Variants in REEP1 observed in about 807,000 individuals in gnomAD.
REEP1 encodes the protein receptor accessory protein 1, also known as receptor expression-enhancing protein 1.
In REEP1, 22 loss-of-function variants were observed where a neutral mutation model predicts 40.3. The ratio of observed to expected loss-of-function variants is 0.55; its 90% CI spans 0.39 to 0.78. The LOEUF (loss-of-function observed/expected upper bound fraction) is 0.78, where lower values mean the gene tolerates loss of function less well. Ranked by LOEUF, REEP1 falls within the 30% of genes least tolerant of loss-of-function variation. The pLI is 0.00. For synonymous variants in REEP1, 116 were observed against 139.2 expected, an observed-to-expected ratio of 0.83 and a Z score of 1.17; for missense variants, 280 against 361.1, an observed-to-expected ratio of 0.78 and a Z score of 1.82.
chr2:86,292,013 T>C (rs1318907786), intron 1 of REEP1, among the ~76,000 whole-genome samples: 1 of 152,244 alleles, frequency 6.6e-6, no homozygotes, highest in African/African-American at 2.4e-5. Context: ...TTTTTGTTTG[T>C]TTTTAAGTCT....
intron 2 of REEP1, among the ~76,000 whole-genome samples, chr2:86,275,147 G>GA (rs535728632): frequency 1.2e-3 from 185 of 152,212 alleles, no homozygotes; most frequent in African/African-American, 4.3e-3. Flanking sequence ...ATGACAGAAA[G>GA]AAAAAATTCA....
chr2:86,278,521 G>A (rs1198639322), intron 2 of REEP1, among the ~76,000 whole-genome samples: 1 of 152,200 alleles, frequency 6.6e-6, no homozygotes, highest in Non-Finnish European at 1.5e-5. Context: ...CCGAAATGTG[G>A]GTAAAGGAAT....
At chr2:86,246,887 G>A (rs1251020613) in intron 5 of REEP1, among the ~76,000 whole-genome samples, 2 of 151,964 alleles carry the variant, frequency 1.3e-5, no homozygotes, top group Non-Finnish European at 2.9e-5. Context: ...TTTCAGTGGA[G>A]ACAGGGTTTC....
intron 1 of REEP1, among the ~76,000 whole-genome samples, chr2:86,294,127 T>A (rs1678860813): frequency 6.6e-6 from 1 of 152,172 alleles, no homozygotes; most frequent in African/African-American, 2.4e-5. Flanking sequence ...AGTAGAATGG[T>A]GGTTGCCACA....
chr2:86,265,456 T>C (rs1045752025), intron 2 of REEP1, among the ~76,000 whole-genome samples: 1 of 152,142 alleles, frequency 6.6e-6, no homozygotes, highest in African/African-American at 2.4e-5. Context: ...GTGATCTGCC[T>C]GAATTTAACT....
chr2:86,327,646 CA>C (rs1680578717), intron 1 of REEP1, among the ~76,000 whole-genome samples: 2 of 151,144 alleles, frequency 1.3e-5, no homozygotes, highest in African/African-American at 4.9e-5. Flanking sequence ...CGGCTCACTG[CA>C]AGCTCTGCCT....
intron 2 of REEP1, among the ~76,000 whole-genome samples, chr2:86,276,617 T>C (rs1032312404): frequency 2.6e-5 from 4 of 151,830 alleles, no homozygotes; most frequent in African/African-American, 4.8e-5. Context: ...CAGCATTTTA[T>C]GAGATTGGTG....
rs962267917 is a variant in REEP1 at position 86,260,401 on chromosome 2, C to A, written c.182+3564G>T. ...GGGTCAGGAAGAGAGGGGGATTCTA[C>A]CCATACCTGCATACATGCTCCAAAC... On this transcript the variant is annotated intron_variant, in intron 3 of 8. Coordinates refer to ENST00000538924, the MANE Select transcript of REEP1 (RefSeq NM_001371279.1). Among the ~76,000 whole-genome samples the A allele has an allele frequency of 2.0e-5, 3 of 152,280 alleles. 1 individual carries two copies. The highest frequency in any genetic ancestry group is 4.4e-5 in the Non-Finnish European group (3 of 68,018).
intron 2 of REEP1, among the ~76,000 whole-genome samples, chr2:86,267,550 C>T (rs911133494): frequency 6.6e-6 from 1 of 151,644 alleles, no homozygotes; most frequent in Non-Finnish European, 1.5e-5. Flanking sequence ...GGCATGGTGT[C>T]ACACACCTGT....
intron 3 of REEP1, among the ~76,000 whole-genome samples, chr2:86,260,637 C>T (rs1676807420): frequency 6.6e-6 from 1 of 152,206 alleles, no homozygotes; most frequent in African/African-American, 2.4e-5. Context: ...CAGGACTCGA[C>T]AGGCCATCAT....
intron 2 of REEP1, among the ~76,000 whole-genome samples, chr2:86,273,356 C>T (rs1677569434): frequency 1.3e-5 from 2 of 150,794 alleles, no homozygotes; most frequent in African/African-American, 4.9e-5. Context: ...GCAAACACAG[C>T]TCACTGCAGT....
chr2:86,257,029 T>G (rs556184334), intron 3 of REEP1, among the ~76,000 whole-genome samples: 1 of 152,310 alleles, frequency 6.6e-6, no homozygotes, highest in East Asian at 1.9e-4. Flanking sequence ...CTCTGGTGGG[T>G]GCTTCCTGAA....
intron 1 of REEP1, among the ~76,000 whole-genome samples, chr2:86,303,480 A>G (rs1186321974): frequency 6.6e-6 from 1 of 151,624 alleles, no homozygotes; most frequent in Non-Finnish European, 1.5e-5. Flanking sequence ...CAGCCTCCCA[A>G]AGTTTTGTGA....
chr2:86,222,350 A>G (rs192616817), intron 7 of REEP1, among the ~76,000 whole-genome samples: 9 of 152,336 alleles, frequency 5.9e-5, no homozygotes, highest in African/African-American at 1.9e-4. Context: ...GCTGGGAGCA[A>G]AAGAGGCCAG....
chr2:86,219,982 T>C lies in REEP1; in HGVS notation c.771A>G (p.Glu257=), dbSNP rs1415684494. 1 of 1,232,034 alleles carries C rather than the reference T, an allele frequency of 8.1e-7. No individual in the cohort carries two copies. Among genetic ancestry groups the C allele is most frequent in the Admixed American group, 4.2e-5 (1 of 23,690 alleles). 76.3% of individuals were successfully genotyped at this position (1,232,034 alleles called of 1,614,324 possible). ...AGACACTGTGTACCTCCAGGGGCAA[T>C]TCCATCCTTCGAGGTGCTTTATACT... ...MYKYKAPRRM[E]LPLEAPPRIL... Residue 257 remains glutamate (E), a synonymous_variant, in exon 8 of 9, where the codon GAA becomes GAG. Transcript: ENST00000538924.
chr2:86,247,161 T>C (rs542742958), intron 5 of REEP1, among the ~76,000 whole-genome samples: 1 of 152,140 alleles, frequency 6.6e-6, no homozygotes, highest in African/African-American at 2.4e-5. Context: ...ACAGGTACCA[T>C]GTAGGAGCAG....
At chr2:86,234,032 G>C (rs1675164010) in intron 5 of REEP1, among the ~76,000 whole-genome samples, 1 of 151,952 alleles carries the variant, frequency 6.6e-6, no homozygotes. Context: ...TTGAGTAAGA[G>C]GTTTTCAGGG....
rs559829717 is a variant in REEP1 at position 86,231,005 on chromosome 2, C to T, written c.595+1620G>A. Among the ~76,000 whole-genome samples, 178 of 152,266 alleles carry T rather than the reference C, an allele frequency of 1.2e-3. 1 individual carries two copies. Among genetic ancestry groups the T allele is most frequent in the Non-Finnish European group, 2.1e-3 (144 of 68,020 alleles). ...GTATCCCTATTTCTGGGGCAGTGTC[C>T]GGCAGATCAGAAGCTGTAGATGCTT... On this transcript the variant is annotated intron_variant, in intron 6 of 8. Transcript: ENST00000538924.
At chr2:86,255,098 G>A (rs1261439786) in intron 3 of REEP1, 1 of 358,008 alleles carries the variant, frequency 2.8e-6, no homozygotes. Context: ...GCCCTGCCTG[G>A]CACAGGCTGG....
Sources: gnomAD v4.1 joint callset for allele counts (sites outside exome capture counted in the v4.1 genomes callset) on GRCh38, gnomAD v4.1.1 for gene constraint, MANE v1.5 for transcripts, NCBI Gene and HGNC (gene_info 2026-07-23, HGNC 2026-07-21) for gene names.